Variants in PDE4B observed in about 807,000 individuals in gnomAD.
PDE4B encodes 3',5'-cyclic-AMP phosphodiesterase 4B.
PDE4B carries 20 observed loss-of-function variants against 82.2 expected under a neutral mutation model. The observed-to-expected ratio is 0.24, with a 90% confidence interval of 0.17 to 0.35. PDE4B has a LOEUF of 0.35. PDE4B is among the 10% of genes least tolerant of loss of function. PDE4B has a pLI of 1.00. For missense variants in PDE4B, 655 were observed against 907.2 expected, an observed-to-expected ratio of 0.72 and a Z score of 3.57; for synonymous variants, 320 against 318.9, an observed-to-expected ratio of 1.00 and a Z score of -0.04.
intron 7 of PDE4B, chr1:66,331,700 C>A (rs765702418): frequency 6.1e-6 from 6 of 978,302 alleles, no homozygotes; most frequent in Non-Finnish European, 7.3e-6. Context: ...AAGTCCGGTT[C>A]AGAATTTCCC....
intron 3 of PDE4B, among the ~76,000 whole-genome samples, chr1:66,036,209 A>T (rs565355990): frequency 5.3e-5 from 8 of 152,164 alleles, no homozygotes; most frequent in Non-Finnish European, 8.8e-5. Flanking sequence ...AGTTCCCTGC[A>T]TATTTTGGAT....
chr1:66,325,693 C>A (rs1310245310), intron 7 of PDE4B, among the ~76,000 whole-genome samples: 1 of 152,162 alleles, frequency 6.6e-6, no homozygotes, highest in African/African-American at 2.4e-5. Flanking sequence ...TCATGGCCAA[C>A]CTTACAAATG....
chr1:66,110,993 G>A (rs148437405), intron 3 of PDE4B, among the ~76,000 whole-genome samples: 11 of 151,956 alleles, frequency 7.2e-5, no homozygotes, highest in Admixed American at 1.3e-4. Flanking sequence ...ACTTTGTAAC[G>A]CCCTGGAAGC....
chr1:65,874,934 G>A (rs1223958682), intron 1 of PDE4B, among the ~76,000 whole-genome samples: 6 of 151,984 alleles, frequency 3.9e-5, no homozygotes, highest in Non-Finnish European at 5.9e-5. Flanking sequence ...GGCAACAAAA[G>A]CCAAAATTGA....
intron 2 of PDE4B, among the ~76,000 whole-genome samples, chr1:65,914,042 C>A (rs951301426): frequency 6.6e-6 from 1 of 152,126 alleles, no homozygotes; most frequent in Non-Finnish European, 1.5e-5. Flanking sequence ...ACCAATCCTT[C>A]ATTAGTGTGT....
chr1:66,297,927 A>G (rs1657624753), intron 7 of PDE4B, among the ~76,000 whole-genome samples: 1 of 152,174 alleles, frequency 6.6e-6, no homozygotes, highest in African/African-American at 2.4e-5. Flanking sequence ...TACCTTACAT[A>G]TGACTAGGTT....
chr1:66,121,891 AT>A (rs1645716727), intron 3 of PDE4B, among the ~76,000 whole-genome samples: 1 of 151,800 alleles, frequency 6.6e-6, no homozygotes, highest in Admixed American at 6.6e-5. Context: ...TTTCTTTCAC[AT>A]TTTTTCTTTC....
chr1:65,978,314 C>T (rs1203413012), intron 3 of PDE4B, among the ~76,000 whole-genome samples: 1 of 152,102 alleles, frequency 6.6e-6, no homozygotes, highest in Non-Finnish European at 1.5e-5. Context: ...CAGTATGAGA[C>T]ACTGCTCCTG....
At position 65,970,191 on chromosome 1, in the gene PDE4B, A is replaced by C. The variant is rs562017712; in HGVS notation, c.281+51356A>C. 3.3e-5 allele frequency among the ~76,000 whole-genome samples: 5 copies of C among 151,034 alleles called. No homozygotes were observed. The South Asian group carries it at 1.1e-3, about 32-fold the overall frequency. Reference sequence around the variant, plus strand: ...AAAATATATTTAATTGTATACTAAGAATTTATGAGAATTTACAAATATTTT... The same window carrying C: ...AAAATATATTTAATTGTATACTAAGCATTTATGAGAATTTACAAATATTTT... On this transcript the variant is annotated intron_variant, in intron 3 of 16. Coordinates refer to ENST00000341517, the MANE Select transcript of PDE4B (RefSeq NM_002600.4).
intron 16 of PDE4B, among the ~76,000 whole-genome samples, chr1:66,370,142 C>A (rs1232053277): frequency 9.7e-6 from 1 of 103,518 alleles, no homozygotes; most frequent in African/African-American, 4.0e-5. Flanking sequence ...CAGAGCAAGA[C>A]TCTATCTCAA....
At chr1:65,905,465 G>A (rs1647018946) in intron 1 of PDE4B, among the ~76,000 whole-genome samples, 1 of 152,108 alleles carries the variant, frequency 6.6e-6, no homozygotes, top group Non-Finnish European at 1.5e-5. Context: ...AGCAAAAATA[G>A]GAAGTTGAGG....
chr1:65,933,861 T>C (rs1647975878), intron 3 of PDE4B, among the ~76,000 whole-genome samples: 1 of 152,194 alleles, frequency 6.6e-6, no homozygotes, highest in Non-Finnish European at 1.5e-5. Context: ...GAATCACTTT[T>C]AATTATAAAG....
intron 7 of PDE4B, among the ~76,000 whole-genome samples, chr1:66,292,246 G>A (rs1350869211): frequency 1.3e-5 from 2 of 152,118 alleles, no homozygotes; most frequent in African/African-American, 4.8e-5. Context: ...CCAATAGTTG[G>A]TGAATGTTTA....
At position 65,847,576 on chromosome 1, in the gene PDE4B, A is replaced by T. The variant is rs145528091; in HGVS notation, c.-71+54328A>T. Among the ~76,000 whole-genome samples, 482 of 152,342 alleles carry T rather than the reference A, an allele frequency of 3.2e-3. 4 individuals are homozygous for T. Among genetic ancestry groups the T allele is most frequent in the African/African-American group, 0.011 (455 of 41,578 alleles). On this transcript the variant is annotated intron_variant, in intron 1 of 16. Coordinates refer to ENST00000341517, the MANE Select transcript of PDE4B (RefSeq NM_002600.4). ...CCTTTGTGATTATAGCAGAATGGAT[A>T]TCTCTAAAGCGTGGTGACCTGGTGA...
intron 2 of PDE4B, among the ~76,000 whole-genome samples, chr1:65,915,973 G>T (rs1346530453): frequency 6.6e-6 from 1 of 152,110 alleles, no homozygotes; most frequent in African/African-American, 2.4e-5. Context: ...TTTAGGAAAG[G>T]AAGTTCAAGA....
chr1:65,865,809 G>A (rs1557786023), intron 1 of PDE4B, among the ~76,000 whole-genome samples: 1 of 152,128 alleles, frequency 6.6e-6, no homozygotes, highest in Non-Finnish European at 1.5e-5. Context: ...AGCTCAGACT[G>A]GAGCCGTTTT....
At chr1:66,338,493 G>A (rs1299372000) in intron 8 of PDE4B, among the ~76,000 whole-genome samples, 2 of 152,142 alleles carry the variant, frequency 1.3e-5, no homozygotes. Context: ...AGTGTAAGGG[G>A]AAAGAGCAAT....
chr1:66,266,219 CTT>C, intron 7 of PDE4B, 132 bp downstream of exon 7: 1 of 736,774 alleles, frequency 1.4e-6, no homozygotes, highest in Non-Finnish European at 2.4e-6. Context: ...CTCTTGGTGA[CTT>C]TTTTCTAAGG....
intron 3 of PDE4B, among the ~76,000 whole-genome samples, chr1:66,187,618 C>T (rs1439530054): frequency 6.6e-6 from 1 of 152,212 alleles, no homozygotes; most frequent in South Asian, 2.1e-4. Context: ...AGTTTATTTG[C>T]GTAGAGGTGT....
Sources: gnomAD v4.1 joint callset for allele counts (sites outside exome capture counted in the v4.1 genomes callset) on GRCh38, gnomAD v4.1.1 for gene constraint, MANE v1.5 for transcripts, NCBI Gene and HGNC (gene_info 2026-07-23, HGNC 2026-07-21) for gene names.